SHISA6: variants seen among roughly 807,000 people sequenced by gnomAD.
SHISA6 encodes shisa family member 6.
SHISA6 carries 22 observed loss-of-function variants against 47.9 expected under a neutral mutation model. That is an observed-to-expected ratio of 0.46 (90% CI 0.33 to 0.66). The LOEUF (loss-of-function observed/expected upper bound fraction) is 0.66, where lower values mean the gene tolerates loss of function less well. Ranked by LOEUF, SHISA6 falls within the 30% of genes least tolerant of loss-of-function variation. SHISA6 has a pLI of 0.02. For missense variants in SHISA6, 680 were observed against 764.6 expected, an observed-to-expected ratio of 0.89 and a Z score of 1.30; for synonymous variants, 388 against 337.8, an observed-to-expected ratio of 1.15 and a Z score of -1.63.
At chr17:11,283,960 G>T (rs573563129) in intron 2 of SHISA6, among the ~76,000 whole-genome samples, 1 of 152,242 alleles carries the variant, frequency 6.6e-6, no homozygotes, top group Non-Finnish European at 1.5e-5. Flanking sequence ...TTGTTCCCCA[G>T]TTCCTTTTTA....
At chr17:11,333,508 T>C (rs74960152) in intron 2 of SHISA6, among the ~76,000 whole-genome samples, 1,672 of 152,106 alleles carry the variant, frequency 0.011, 28 homozygotes, top group African/African-American at 0.038. Context: ...TCTTCTTCTT[T>C]TTTATTTATT....
intron 2 of SHISA6, among the ~76,000 whole-genome samples, chr17:11,378,726 AG>A (rs931373319): frequency 2.0e-5 from 3 of 152,132 alleles, no homozygotes; most frequent in African/African-American, 7.2e-5. Context: ...TTAAGCAGGC[AG>A]GGGATAGTGT....
intron 3 of SHISA6, among the ~76,000 whole-genome samples, chr17:11,492,849 T>G (rs1287983292): frequency 6.6e-5 from 10 of 152,264 alleles, no homozygotes; most frequent in Middle Eastern, 3.4e-3. Context: ...TCTCATCATG[T>G]TGCTTGTTTA....
chr17:11,339,483 T>C (rs978797229), intron 2 of SHISA6, among the ~76,000 whole-genome samples: 4 of 152,178 alleles, frequency 2.6e-5, no homozygotes, highest in Admixed American at 2.6e-4. Flanking sequence ...ACGTGTTTCA[T>C]TTGCATATAG....
chr17:11,412,542 CTTCTT>C (rs373267539), intron 3 of SHISA6, among the ~76,000 whole-genome samples: 3,012 of 145,390 alleles, frequency 0.021, 37 homozygotes, highest in Non-Finnish European at 0.03. Flanking sequence ...ACTTAGACTT[CTTCTT>C]TTTTTTTTTT....
chr17:11,271,274 C>T (rs1908641797), intron 2 of SHISA6, among the ~76,000 whole-genome samples: 1 of 152,078 alleles, frequency 6.6e-6, no homozygotes, highest in Admixed American at 6.5e-5. Flanking sequence ...CCATGACCTT[C>T]TCAGTGGCTT....
chr17:11,516,502 T>C (rs1212439978), intron 3 of SHISA6, among the ~76,000 whole-genome samples: 1 of 152,166 alleles, frequency 6.6e-6, no homozygotes, highest in Non-Finnish European at 1.5e-5. Flanking sequence ...ACTAAATCAC[T>C]GATGTGCTGG....
chr17:11,459,450 A>G (rs1305478894), intron 3 of SHISA6, among the ~76,000 whole-genome samples: 2 of 152,160 alleles, frequency 1.3e-5, no homozygotes, highest in Non-Finnish European at 2.9e-5. Context: ...TGTATGAGGC[A>G]GGTGTACAGG....
intron 1 of SHISA6, among the ~76,000 whole-genome samples, chr17:11,252,442 C>T (rs922381842): frequency 9.2e-5 from 14 of 152,158 alleles, no homozygotes; most frequent in Non-Finnish European, 1.3e-4. Flanking sequence ...TCTCTTCCTT[C>T]GCCCTTGCTG....
chr17:11,453,852 A>C (rs1425748544), intron 3 of SHISA6, among the ~76,000 whole-genome samples: 3 of 152,218 alleles, frequency 2.0e-5, no homozygotes, highest in Non-Finnish European at 4.4e-5. Context: ...GGAAAAGGTC[A>C]GACTATAGGG....
At chr17:11,258,865 C>T (rs1567552462) in intron 1 of SHISA6, among the ~76,000 whole-genome samples, 1 of 152,182 alleles carries the variant, frequency 6.6e-6, no homozygotes, top group South Asian at 2.1e-4. Flanking sequence ...TAAACACTCT[C>T]TAAAATCTTG....
intron 3 of SHISA6, among the ~76,000 whole-genome samples, chr17:11,496,299 A>G (rs1423160585): frequency 6.6e-6 from 1 of 152,208 alleles, no homozygotes; most frequent in East Asian, 1.9e-4. Flanking sequence ...CATCCACCAC[A>G]GGTGAGACTT....
At chr17:11,451,425 T>G (rs1302263392) in intron 3 of SHISA6, among the ~76,000 whole-genome samples, 1 of 152,194 alleles carries the variant, frequency 6.6e-6, no homozygotes, top group Non-Finnish European at 1.5e-5. Flanking sequence ...GTTTATATGT[T>G]CTGTGGATAC....
At chr17:11,454,216 C>G (rs1233120012) in intron 3 of SHISA6, among the ~76,000 whole-genome samples, 1 of 152,188 alleles carries the variant, frequency 6.6e-6, no homozygotes, top group Non-Finnish European at 1.5e-5. Flanking sequence ...CTTCAAGGTT[C>G]TACCTCCAAA....
intron 4 of SHISA6, among the ~76,000 whole-genome samples, chr17:11,554,101 T>C (rs1283328134): frequency 6.6e-6 from 1 of 152,120 alleles, no homozygotes; most frequent in Non-Finnish European, 1.5e-5. Context: ...GTTGAGAGTA[T>C]AATGCCAACA....
At chr17:11,513,014 A>G (rs1022090473) in intron 3 of SHISA6, among the ~76,000 whole-genome samples, 2 of 152,174 alleles carry the variant, frequency 1.3e-5, no homozygotes, top group Middle Eastern at 3.4e-3. Context: ...GAAATGGTCT[A>G]TGTATTTTTA....
At chr17:11,307,299 A>G (rs896780856) in intron 2 of SHISA6, among the ~76,000 whole-genome samples, 3 of 152,186 alleles carry the variant, frequency 2.0e-5, no homozygotes, top group African/African-American at 7.2e-5. Context: ...TTACACAACT[A>G]TCTGAGTTTC....
intron 3 of SHISA6, among the ~76,000 whole-genome samples, chr17:11,524,370 G>A (rs9900389): frequency 0.013 from 1,940 of 152,112 alleles, 44 homozygotes; most frequent in African/African-American, 0.043. Flanking sequence ...TCCCAGAAGA[G>A]GTAGATTGAA....
At chr17:11,340,752 C>T (rs867341348) in intron 2 of SHISA6, among the ~76,000 whole-genome samples, 2 of 152,320 alleles carry the variant, frequency 1.3e-5, no homozygotes, top group Middle Eastern at 3.4e-3. Flanking sequence ...TACAGGAAGG[C>T]TACCTAACAA....
Sources: gnomAD v4.1 joint callset for allele counts (sites outside exome capture counted in the v4.1 genomes callset) on GRCh38, gnomAD v4.1.1 for gene constraint, MANE v1.5 for transcripts, NCBI Gene and HGNC (gene_info 2026-07-23, HGNC 2026-07-21) for gene names.